BCL11B: variants seen among roughly 807,000 people sequenced by gnomAD.
BCL11B encodes the protein BCL11 transcription factor B, also known as B-cell lymphoma/leukemia 11B.
A neutral mutation model predicts 49.9 loss-of-function variants in BCL11B; 8 were observed. That is an observed-to-expected ratio of 0.16 (90% confidence interval 0.09 to 0.29). The LOEUF is 0.29. Ranked by LOEUF, BCL11B falls within the 10% of genes least tolerant of loss-of-function variation. The pLI, the probability that BCL11B is intolerant of heterozygous loss-of-function variation, is 1.00. For synonymous variants in BCL11B, 739 were observed against 637.4 expected, an observed-to-expected ratio of 1.16 and a Z score of -2.40; for missense variants, 1,006 against 1,351.0, an observed-to-expected ratio of 0.74 and a Z score of 4.00.
At position 99,205,410 on chromosome 14, in the gene BCL11B, G is replaced by A. The variant is rs890963106; in HGVS notation, c.640+25935C>T. ...AGTTTGACGGTTTGGGAAAATTCGC[G>A]GACTCTCCCAAAGCCTGCATCTCCC... On this transcript the variant is annotated intron_variant, in intron 3 of 3. Coordinates refer to ENST00000357195, the MANE Select transcript of BCL11B (RefSeq NM_138576.4). The surrounding 1 kb of genome is among the most constrained non-coding windows in gnomAD (Gnocchi z 5.0). Among the ~76,000 whole-genome samples the A allele has an allele frequency of 3.3e-5, 5 of 152,220 alleles. No homozygotes were observed. The highest frequency in any genetic ancestry group is 7.2e-5 in the African/African-American group (3 of 41,524).
intron 2 of BCL11B, among the ~76,000 whole-genome samples, chr14:99,249,746 A>G (rs993176396): frequency 1.3e-5 from 2 of 152,206 alleles, no homozygotes; most frequent in Non-Finnish European, 2.9e-5. Flanking sequence ...GCATATCATA[A>G]GGTCATAGGG....
chr14:99,265,507 A>G (rs1889454563), intron 1 of BCL11B, among the ~76,000 whole-genome samples: 1 of 151,772 alleles, frequency 6.6e-6, no homozygotes, highest in African/African-American at 2.4e-5. Flanking sequence ...TGTCTTATCT[A>G]TGATCTGTGT....
Position 99,262,793 on chromosome 14 carries a change from C to T in BCL11B, c.59-4954G>A, listed in dbSNP as rs1005917482. On this transcript the variant is annotated intron_variant, in intron 1 of 3. Coordinates refer to ENST00000357195, the MANE Select transcript of BCL11B (RefSeq NM_138576.4). The surrounding 1 kb of genome is among the most constrained non-coding windows in gnomAD (Gnocchi z 4.2). The stretch of plus-strand genomic sequence containing the variant: ...CACACGCACACTCGACGGAGCACAA[C>T]ACTTTCTGAGCTGCCATCCATTTTT... 3.3e-5 allele frequency among the ~76,000 whole-genome samples: 5 copies of T among 152,096 alleles called. No individual in the cohort carries two copies. The highest frequency in any genetic ancestry group is 1.2e-4 in the African/African-American group (5 of 41,390).
At chr14:99,199,678 GTGTGTGCGCGCGCGCGCGCA>G (rs1887297157) in intron 3 of BCL11B, among the ~76,000 whole-genome samples, 1 of 56,890 alleles carries the variant, frequency 1.8e-5, no homozygotes, top group African/African-American at 4.8e-5. Context: ...GTGTGTGTGT[GTGTGTGCGCGCGCGCGCGCA>G]CGTGCACGTG....
intron 3 of BCL11B, among the ~76,000 whole-genome samples, chr14:99,200,483 T>C (rs761248271): frequency 6.6e-6 from 1 of 152,216 alleles, no homozygotes; most frequent in East Asian, 1.9e-4. Flanking sequence ...TCTGCTGACA[T>C]CTGGAAGCCC....
intron 1 of BCL11B, among the ~76,000 whole-genome samples, chr14:99,269,658 A>ATATTTATT (rs562739993): frequency 6.6e-6 from 1 of 151,230 alleles, no homozygotes; most frequent in Non-Finnish European, 1.5e-5. Flanking sequence ...ACCACTTTAT[A>ATATTTATT]TATTTATTTA....
chr14:99,199,683 T>TGTGTGTGTGTGTGTGC (rs759599743), intron 3 of BCL11B, among the ~76,000 whole-genome samples: 2 of 73,642 alleles, frequency 2.7e-5, no homozygotes, highest in African/African-American at 3.4e-5. Flanking sequence ...TGTGTGTGTG[T>TGTGTGTGTGTGTGTGC]GCGCGCGCGC....
In BCL11B at chr14:99,171,973, G is replaced by A. The variant is rs548742909; in HGVS notation, c.*2178C>T. On this transcript the variant is annotated 3_prime_UTR_variant, in exon 4 of 4. Transcript: ENST00000357195. ...TATATATAATATATACTAAAACCCCGTCACCAAAAGAAAACAATATACACG... is the reference window on the plus strand; with the variant it reads ...TATATATAATATATACTAAAACCCCATCACCAAAAGAAAACAATATACACG... 113 of 201,386 alleles carry A rather than the reference G, an allele frequency of 5.6e-4. 1 individual carries two copies. Among genetic ancestry groups the A allele is most frequent in the African/African-American group, 2.2e-3 (95 of 43,214 alleles). The allele number at this position is 201,386 out of a possible 1,614,324, so 12.5% of individuals were successfully genotyped here.
At chr14:99,218,322 C>T (rs982277939) in intron 3 of BCL11B, among the ~76,000 whole-genome samples, 6 of 150,438 alleles carry the variant, frequency 4.0e-5, no homozygotes, top group East Asian at 4.0e-4. Flanking sequence ...CCTCGTGATC[C>T]GCCCGCCTCG....
chr14:99,230,989 T>TG (rs916152541), intron 3 of BCL11B, among the ~76,000 whole-genome samples: 3 of 143,904 alleles, frequency 2.1e-5, no homozygotes, highest in African/African-American at 7.7e-5. Context: ...GGGGATTGTC[T>TG]GGGGTGGGGG....
At position 99,172,941 on chromosome 14, in the gene BCL11B, T is replaced by TCCCCACCCCC; in HGVS notation, c.*1209_*1210insGGGGGTGGGG. Reference sequence around the variant, plus strand: ...TAAAAGAGAATAGAAATTTGCAAGATCCCCACCCCACCCATCCCTACAATA... The same window carrying TCCCCACCCCC: ...TAAAAGAGAATAGAAATTTGCAAGATCCCCACCCCCCCCCACCCCACCCATCCCTACAATA... On this transcript the variant is annotated 3_prime_UTR_variant, in exon 4 of 4. Transcript: ENST00000357195. 1 of 216,700 alleles carries TCCCCACCCCC rather than the reference T, an allele frequency of 4.6e-6. No homozygotes were observed. The highest frequency in any genetic ancestry group is 9.3e-6 in the Non-Finnish European group (1 of 107,062). The allele number at this position is 216,700 out of a possible 1,614,324, so 13.4% of individuals were successfully genotyped here. A position where few individuals can be genotyped will look rare whatever the true frequency, so the allele number is the denominator to read the frequency against.
chr14:99,176,316 G>T, intron 3 of BCL11B, 121 bp from the exon 4 acceptor site: 1 of 904,276 alleles, frequency 1.1e-6, no homozygotes, highest in Non-Finnish European at 1.6e-6. Flanking sequence ...CCAGTGCCCT[G>T]CCTGACAGGG....
intron 3 of BCL11B, among the ~76,000 whole-genome samples, chr14:99,178,216 G>A (rs994050171): frequency 1.3e-5 from 2 of 152,202 alleles, no homozygotes; most frequent in African/African-American, 4.8e-5. Context: ...CCTATTCTGT[G>A]TGTTTGGTGA....
intron 3 of BCL11B, among the ~76,000 whole-genome samples, chr14:99,226,851 C>T (rs1163953931): frequency 2.0e-5 from 3 of 152,174 alleles, no homozygotes; most frequent in Admixed American, 1.3e-4. Context: ...TTAACCCATG[C>T]CAAGAAACCC....
At position 99,217,288 on chromosome 14, in the gene BCL11B, ACACT is replaced by A. The variant is rs557429588; in HGVS notation, c.640+14053_640+14056del. On this transcript the variant is annotated intron_variant, in intron 3 of 3. Coordinates refer to ENST00000357195, the MANE Select transcript of BCL11B (RefSeq NM_138576.4). ...CATATGCAAATACTCACATACAAAC[ACACT>A]CACAAATACATACACTTACATATAC... is the stretch of plus-strand genomic sequence containing the variant. 1.5e-3 allele frequency among the ~76,000 whole-genome samples: 198 copies of A among 133,446 alleles called. 1 individual carries two copies. Among genetic ancestry groups the A allele is most frequent in the Admixed American group, 8.5e-3 (114 of 13,374 alleles). 87.5% of individuals were successfully genotyped at this position (133,446 alleles called of 152,430 possible). A position where few individuals can be genotyped will look rare whatever the true frequency, so the allele number is the denominator to read the frequency against.
rs1888676731 is a variant in BCL11B at position 99,241,713 on chromosome 14, C to T, written c.428-10156G>A. ...CCCTTCCCTAAGTGCATTTTAATAC[C>T]CTTATTCTACATCCTAATTTCTTTG... On this transcript the variant is annotated intron_variant, in intron 2 of 3. Coordinates refer to ENST00000357195, the MANE Select transcript of BCL11B (RefSeq NM_138576.4). The surrounding 1 kb of genome is among the most constrained non-coding windows in gnomAD (Gnocchi z 4.4). 2.0e-5 allele frequency among the ~76,000 whole-genome samples: 3 copies of T among 151,874 alleles called. No homozygotes were observed. Among genetic ancestry groups the T allele is most frequent in the Non-Finnish European group, 4.4e-5 (3 of 67,988 alleles).
Position 99,231,880 on chromosome 14 carries a change from A to AC in BCL11B, c.428-324dup, listed in dbSNP as rs1200017690. On this transcript the variant is annotated intron_variant, in intron 2 of 3. Transcript: ENST00000357195. This position sits in a 1 kb window ranked among gnomAD's most constrained non-coding sequence, Gnocchi z 8.1. ...CTGTGAGGACCCACTCTCAGGAAGG[A>AC]CCCCCCACGTGGGGGCCTCTGGAGC... Among the ~76,000 whole-genome samples, 4 of 150,984 alleles carry AC rather than the reference A, an allele frequency of 2.6e-5. No homozygotes were observed. The highest frequency in any genetic ancestry group is 5.9e-5 in the Non-Finnish European group (4 of 67,644).
At chr14:99,200,046 C>A (rs1320726091) in intron 3 of BCL11B, among the ~76,000 whole-genome samples, 1 of 151,738 alleles carries the variant, frequency 6.6e-6, no homozygotes, top group Admixed American at 6.6e-5. Context: ...AGAGCTCCCC[C>A]TGACTTCTCC....
intron 2 of BCL11B, among the ~76,000 whole-genome samples, chr14:99,249,001 G>A (rs1357440409): frequency 6.6e-6 from 1 of 152,130 alleles, no homozygotes; most frequent in Admixed American, 6.5e-5. Flanking sequence ...AACTCATGAC[G>A]AGGTGGGGGC....
Sources: gnomAD v4.1 joint callset for allele counts (sites outside exome capture counted in the v4.1 genomes callset) on GRCh38, gnomAD v4.1.1 for gene constraint, Gnocchi (gnomAD v3.1) non-coding constraint, MANE v1.5 for transcripts, NCBI Gene and HGNC (gene_info 2026-07-23, HGNC 2026-07-21) for gene names.